The following SPPL2A variants were observed in gnomAD, a reference collection of about 807,000 sequenced individuals.
SPPL2A encodes signal peptide peptidase-like 2A.
Under a neutral mutation model 63.8 loss-of-function variants are expected in SPPL2A, and 51 were observed. The observed-to-expected ratio is 0.80, with a 90% CI of 0.64 to 1.01. SPPL2A has a LOEUF of 1.01. SPPL2A is among the 50% of genes least tolerant of loss of function. The pLI is 0.00. For synonymous variants in SPPL2A, 188 were observed against 205.8 expected (o/e 0.91, Z 0.74); for missense variants, 553 against 622.7 (o/e 0.89, Z 1.19).
intron 1 of SPPL2A, among the ~76,000 whole-genome samples, chr15:50,762,764 G>A (rs1386409772): frequency 2.8e-5 from 4 of 143,220 alleles, no homozygotes; most frequent in Non-Finnish European, 6.0e-5. Flanking sequence ...ATGGAGTCTC[G>A]CTCTGTCACA....
At chr15:50,748,287 G>A (rs565823647) in intron 3 of SPPL2A, 85 bp from the exon 4 acceptor site, 9 of 538,770 alleles carry the variant, frequency 1.7e-5, no homozygotes, top group East Asian at 8.2e-5. Flanking sequence ...TAAATATTAC[G>A]TCTTTCTTTA....
chr15:50,720,084 C>T lies in SPPL2A; in HGVS notation c.1344G>A (p.Met448Ile). 6.2e-7 allele frequency: 1 copy of T among 1,611,858 alleles called. No homozygotes were observed. Among genetic ancestry groups the T allele is most frequent in the Non-Finnish European group, 8.5e-7 (1 of 1,179,356 alleles). The change falls in exon 14 of 15, where the codon ATG (methionine) becomes ATA (isoleucine). Residue 448 changes from methionine (M) to isoleucine (I), a missense_variant. Transcript: ENST00000261854. ...GCACCAGAACAACAAATGTAAGTAT[C>T]ATGCCAATAGCATAGGCTGCAAGAA... Reference protein sequence around the residue: ...VSSTVAYAIGMILTFVVLVLM... With the variant: ...VSSTVAYAIGIILTFVVLVLM...
chr15:50,740,191 G>A (rs2062807390), intron 5 of SPPL2A, among the ~76,000 whole-genome samples: 1 of 151,948 alleles, frequency 6.6e-6, no homozygotes. Flanking sequence ...CACTTTGGGA[G>A]GCTGAGGCGG....
At chr15:50,728,858 G>A (rs62018804) in intron 10 of SPPL2A, among the ~76,000 whole-genome samples, 4,272 of 146,438 alleles carry the variant, frequency 0.029, 76 homozygotes, top group Middle Eastern at 0.11. Context: ...TCTGTTGCCC[G>A]GCTGGAGTGC....
At chr15:50,711,190 T>C (rs1052582014) in intron 14 of SPPL2A, among the ~76,000 whole-genome samples, 2 of 151,600 alleles carry the variant, frequency 1.3e-5, no homozygotes, top group African/African-American at 4.8e-5. Flanking sequence ...ACAATTAGTA[T>C]TTCCAAATTA....
Position 50,720,110 on chromosome 15 carries a change from G to T in SPPL2A, c.1328-10C>A. The T allele has an allele frequency of 1.2e-6, 2 of 1,600,912 alleles. No homozygotes were observed. Among genetic ancestry groups the T allele is most frequent in the South Asian group, 1.1e-5 (1 of 88,360 alleles). On this transcript the variant is annotated splice_polypyrimidine_tract_variant and intron_variant, in intron 13 of 14. Coordinates refer to ENST00000261854, the MANE Select transcript of SPPL2A (RefSeq NM_032802.4). ...ATGCCAATAGCATAGGCTGCAAGAA[G>T]AATACCAAGCTATAAGTCATTTCTA...
chr15:50,736,205 A>G lies in SPPL2A; in HGVS notation c.831-3T>C, dbSNP rs764722874. ...TGTTTTTGCCACGACATGCAATCCT[A>G]AAAAACAGATTAAAATAGTTAACAC... On this transcript the variant is annotated splice_region_variant and splice_polypyrimidine_tract_variant and intron_variant, in intron 7 of 14. Transcript: ENST00000261854. 5.9e-5 allele frequency: 93 copies of G among 1,576,114 alleles called. No individual in the cohort carries two copies. Among genetic ancestry groups the G allele is most frequent in the Non-Finnish European group, 8.0e-5 (92 of 1,146,260 alleles).
chr15:50,726,592 A>T (rs925495475), intron 10 of SPPL2A, among the ~76,000 whole-genome samples: 1 of 152,234 alleles, frequency 6.6e-6, no homozygotes, highest in African/African-American at 2.4e-5. Flanking sequence ...ATCAGAGCTC[A>T]ATAATTCTCA....
chr15:50,736,320 T>C (rs1429705110), intron 7 of SPPL2A, 118 bp from the exon 8 acceptor site: 1 of 664,078 alleles, frequency 1.5e-6, no homozygotes, highest in Admixed American at 2.8e-5. Flanking sequence ...ATTTTGAAAG[T>C]CTTGATTTTA....
intron 1 of SPPL2A, among the ~76,000 whole-genome samples, chr15:50,762,018 G>T (rs142887229): frequency 6.6e-6 from 1 of 152,008 alleles, no homozygotes; most frequent in Non-Finnish European, 1.5e-5. Context: ...GAGAAATAAA[G>T]TTCTGACCAT....
At chr15:50,721,444 T>TC (rs1035867909) in intron 13 of SPPL2A, among the ~76,000 whole-genome samples, 5 of 151,894 alleles carry the variant, frequency 3.3e-5, no homozygotes, top group Non-Finnish European at 5.9e-5. Context: ...TTTCTTTTTT[T>TC]TTTTGAGACA....
At chr15:50,732,362 T>C (rs2141035940) in intron 9 of SPPL2A, among the ~76,000 whole-genome samples, 1 of 151,360 alleles carries the variant, frequency 6.6e-6, no homozygotes, top group Middle Eastern at 3.4e-3. Context: ...AGCTAGCAAA[T>C]CAGTGGTTGT....
intron 1 of SPPL2A, among the ~76,000 whole-genome samples, chr15:50,756,082 T>G (rs2030148000): frequency 6.6e-6 from 1 of 151,546 alleles, no homozygotes; most frequent in African/African-American, 2.4e-5. Context: ...GGGTCTGGAC[T>G]GGGCGTGGTG....
At chr15:50,722,453 T>C (rs999541837) in intron 12 of SPPL2A, among the ~76,000 whole-genome samples, 2 of 152,100 alleles carry the variant, frequency 1.3e-5, no homozygotes, top group African/African-American at 4.8e-5. Flanking sequence ...TTCCATGTCA[T>C]GAAGAAAACT....
intron 13 of SPPL2A, among the ~76,000 whole-genome samples, chr15:50,721,053 T>G (rs72742306): frequency 0.022 from 3,350 of 152,198 alleles, 51 homozygotes; most frequent in Middle Eastern, 0.1. Flanking sequence ...AACTGCTTTT[T>G]TTGAGATGGA....
chr15:50,747,314 CTG>C (rs2062865746), intron 5 of SPPL2A, among the ~76,000 whole-genome samples, 179 bp downstream of exon 5: 2 of 152,148 alleles, frequency 1.3e-5, no homozygotes, highest in African/African-American at 4.8e-5. Context: ...TTAGAGAAAT[CTG>C]TGACTCTTTT....
rs1198722114 is a variant in SPPL2A at position 50,705,131 on chromosome 15, A to T, written c.*2669T>A. ...TCTGAGGCGGGCAGATCATGAGGTC[A>T]GGAGCTCAAGACCAGCCTGACCAAC... On this transcript the variant is annotated 3_prime_UTR_variant, in exon 15 of 15. Transcript: ENST00000261854. The T allele has an allele frequency of 6.6e-6, 1 of 152,206 alleles. No homozygotes were observed. The highest frequency in any genetic ancestry group is 2.4e-5 in the African/African-American group (1 of 41,460). The allele number at this position is 152,206 out of a possible 1,614,324, so 9.4% of individuals were successfully genotyped here. A position where few individuals can be genotyped will look rare whatever the true frequency, so the allele number is the denominator to read the frequency against.
At chr15:50,715,754 T>C (rs376977000) in intron 14 of SPPL2A, among the ~76,000 whole-genome samples, 1 of 152,196 alleles carries the variant, frequency 6.6e-6, no homozygotes, top group Non-Finnish European at 1.5e-5. Context: ...TAAAGGTCTA[T>C]GTAAAAATTT....
At position 50,736,151 on chromosome 15, in the gene SPPL2A, T is replaced by G. The variant is rs1336358737; in HGVS notation, c.882A>C (p.Gly294=). 1.9e-6 allele frequency: 3 copies of G among 1,613,340 alleles called. No homozygotes were observed. The highest frequency in any genetic ancestry group is 2.2e-5 in the South Asian group (2 of 91,074). Residue 294 remains glycine (G), a synonymous_variant, in exon 8 of 15, where the codon GGA becomes GGC. Transcript: ENST00000261854. The stretch of plus-strand genomic sequence containing the variant: ...AAACAACAGCTACTGCTATGCACAG[T>G]CCAGAGAGAAAAATAAGTCTCACTT... ...NMEVRLIFLS[G]LCIAVAVVWA...
Sources: allele counts gnomAD v4.1 joint callset (sites outside exome capture counted in the v4.1 genomes callset), GRCh38; gene constraint gnomAD v4.1.1; transcripts MANE v1.5; gene names NCBI Gene and HGNC (gene_info 2026-07-23, HGNC 2026-07-21).